The following KLHL13 variants were observed in gnomAD, a reference collection of about 807,000 sequenced individuals.
KLHL13 encodes kelch like family member 13.
Under a neutral mutation model 37.1 loss-of-function variants are expected in KLHL13, and 10 were observed. The observed-to-expected ratio is 0.27, with a 90% confidence interval of 0.17 to 0.46. The LOEUF is 0.46. KLHL13 is among the 20% of genes least tolerant of loss of function. The pLI, the probability that KLHL13 is intolerant of heterozygous loss-of-function variation, is 1.00. For missense variants in KLHL13, 360 were observed against 509.3 expected, an observed-to-expected ratio of 0.71 and a Z score of 2.82; for synonymous variants, 163 against 181.2, an observed-to-expected ratio of 0.90 and a Z score of 0.81.
intron 1 of KLHL13, among the ~76,000 whole-genome samples, chrX:117,968,655 T>A (rs758094123): frequency 8.9e-6 from 1 of 112,061 alleles, no homozygotes; most frequent in South Asian, 3.7e-4. Context: ...TCTTTTCTAT[T>A]TTGAGATTAT....
Position 117,966,595 on chromosome X carries a change from T to A in KLHL13, c.98+6136A>T, listed in dbSNP as rs1245280177. 2.7e-5 allele frequency among the ~76,000 whole-genome samples: 3 copies of A among 111,338 alleles called. No individual in the cohort carries two copies. The Admixed American group carries it at 2.9e-4, about 11-fold the overall frequency. ...ATATGGAACCAAAAAGGAGCCCACATTGCCAAGTCAATCCTAAGCCAAAAG... is the reference window on the plus strand; with the variant it reads ...ATATGGAACCAAAAAGGAGCCCACAATGCCAAGTCAATCCTAAGCCAAAAG... On this transcript the variant is annotated intron_variant, in intron 1 of 6. Transcript: ENST00000262820.
At chrX:118,061,663 T>C (rs1346457606) in intron 1 of KLHL13, among the ~76,000 whole-genome samples, 3 of 111,622 alleles carry the variant, frequency 2.7e-5, no homozygotes, top group African/African-American at 9.7e-5. Context: ...AGTATAATAG[T>C]GCAGTTACTG....
chrX:118,023,504 C>T (rs1029903822), intron 1 of KLHL13, among the ~76,000 whole-genome samples: 9 of 111,864 alleles, frequency 8.0e-5, no homozygotes, highest in African/African-American at 1.9e-4. Flanking sequence ...ATAACTTTCA[C>T]GATCTTAAAC....
chrX:117,990,619 T>C (rs974157889), intron 1 of KLHL13, among the ~76,000 whole-genome samples: 3 of 111,196 alleles, frequency 2.7e-5, no homozygotes, highest in Admixed American at 1.9e-4. Flanking sequence ...CTCCACTACA[T>C]GGAGCAAAAA....
exon 4 of KLHL13, chrX:117,919,564 A>C (rs760731027): frequency 1.7e-6 from 2 of 1,208,876 alleles, no homozygotes; most frequent in Admixed American, 4.4e-5. Context: ...AACTGGCAGA[A>C]TCTGTAGGAA....
At chrX:118,109,541 T>G (rs1777378194) in intron 1 of KLHL13, among the ~76,000 whole-genome samples, 1 of 112,342 alleles carries the variant, frequency 8.9e-6, no homozygotes, top group Non-Finnish European at 1.9e-5. Flanking sequence ...GATTTTTAAA[T>G]AGCTACCAGT....
chrX:117,901,788 T>G, intron 6 of KLHL13, 45 bp downstream of exon 7: 1 of 639,370 alleles, frequency 1.6e-6, no homozygotes, highest in South Asian at 3.1e-5. Context: ...AACCATATAG[T>G]TAAAAGCTTA....
At chrX:117,939,190 G>A (rs567245902) in intron 2 of KLHL13, among the ~76,000 whole-genome samples, 40 of 111,048 alleles carry the variant, frequency 3.6e-4, no homozygotes, top group African/African-American at 1.2e-3. Context: ...AACATCTGGT[G>A]TTTGGTTTTC....
intron 2 of KLHL13, among the ~76,000 whole-genome samples, chrX:117,929,532 A>G (rs908313977): frequency 1.8e-5 from 2 of 111,416 alleles, no homozygotes; most frequent in Non-Finnish European, 3.8e-5. Context: ...TCAAAAGTTA[A>G]TCAATATAAA....
At chrX:118,108,171 T>C (rs1051394654) in intron 1 of KLHL13, among the ~76,000 whole-genome samples, 24 of 112,189 alleles carry the variant, frequency 2.1e-4, no homozygotes, top group Non-Finnish European at 3.9e-4. Context: ...CTCTACAAAC[T>C]ACAAGCAAAA....
At chrX:118,067,092 G>C (rs2054802791) in intron 1 of KLHL13, among the ~76,000 whole-genome samples, 1 of 111,561 alleles carries the variant, frequency 9.0e-6, no homozygotes, top group African/African-American at 3.3e-5. Context: ...CACAAACCTA[G>C]ATGATATAGC....
intron 1 of KLHL13, among the ~76,000 whole-genome samples, chrX:118,024,208 G>C (rs2054250546): frequency 8.9e-6 from 1 of 111,881 alleles, no homozygotes; most frequent in South Asian, 3.7e-4. Context: ...TCTGTAAAGT[G>C]GTCTTATTAA....
At chrX:118,032,264 C>CAA (rs1156553895) in intron 1 of KLHL13, among the ~76,000 whole-genome samples, 5 of 112,391 alleles carry the variant, frequency 4.4e-5, no homozygotes, top group African/African-American at 1.6e-4. Flanking sequence ...CTGCCTGCCT[C>CAA]TGCAGGCTCC....
chrX:117,899,168 T>C lies in KLHL13; in HGVS notation c.1708A>G (p.Ile570Val), dbSNP rs781050546. ...CTCTGCCCTCTTAACATGGCAGCAA[T>C]TGGGGTCCACTGGTCAAGGATAGGT... is the stretch of plus-strand genomic sequence containing the variant. The change falls in exon 7 of 7, where the codon ATT becomes GTT. Residue 570 changes from isoleucine to valine, a missense_variant. Transcript: ENST00000262820. The C allele has an allele frequency of 1.8e-5, 22 of 1,210,062 alleles. No individual in the cohort carries two copies. The highest frequency in any genetic ancestry group is 2.3e-5 in the Non-Finnish European group (21 of 895,164).
At chrX:118,094,065 G>A (rs1297422543) in intron 1 of KLHL13, among the ~76,000 whole-genome samples, 2 of 109,111 alleles carry the variant, frequency 1.8e-5, no homozygotes, top group East Asian at 2.9e-4. Flanking sequence ...GGCTTCAGAC[G>A]ATCAAACTAC....
chrX:118,069,788 T>C (rs1430834351), intron 1 of KLHL13, among the ~76,000 whole-genome samples: 3 of 111,972 alleles, frequency 2.7e-5, no homozygotes, highest in Non-Finnish European at 3.8e-5. Context: ...AAATATTTTT[T>C]ATAAATTTAG....
chrX:118,099,855 A>G (rs972053803), intron 1 of KLHL13, among the ~76,000 whole-genome samples: 1 of 101,356 alleles, frequency 9.9e-6, no homozygotes, highest in Non-Finnish European at 2.0e-5. Flanking sequence ...AGGAAAGAAG[A>G]AAGGAAGGAA....
At chrX:117,964,596 TC>T (rs1420752505) in intron 1 of KLHL13, among the ~76,000 whole-genome samples, 5 of 108,249 alleles carry the variant, frequency 4.6e-5, no homozygotes, top group African/African-American at 1.7e-4. Flanking sequence ...CTGAGCACTT[TC>T]TTTTTTTTAT....
chrX:117,912,883 A>G (rs1235006633), intron 4 of KLHL13, among the ~76,000 whole-genome samples: 1 of 111,959 alleles, frequency 8.9e-6, no homozygotes, highest in African/African-American at 3.2e-5. Context: ...TACAAGTATC[A>G]AAAATATAAA....
Sources: gnomAD v4.1 joint callset for allele counts (sites outside exome capture counted in the v4.1 genomes callset) on GRCh38, gnomAD v4.1.1 for gene constraint, MANE v1.5 for transcripts, NCBI Gene and HGNC (gene_info 2026-07-23, HGNC 2026-07-21) for gene names.